LIPG: variants seen among roughly 807,000 people sequenced by gnomAD.
The protein encoded by LIPG is endothelial lipase.
In LIPG, 34 loss-of-function variants were observed where a neutral mutation model predicts 51.8. That is an observed-to-expected ratio of 0.66 (90% CI 0.50 to 0.87). The LOEUF is 0.87. LIPG is among the 40% of genes least tolerant of loss of function. The pLI is 0.00. For synonymous variants in LIPG, 246 were observed against 246.1 expected (o/e 1.00, Z 0.00); for missense variants, 580 against 652.7 (o/e 0.89, Z 1.21).
intron 5 of LIPG, among the ~76,000 whole-genome samples, chr18:49,580,107 C>G: frequency 6.6e-6 from 1 of 152,234 alleles, no homozygotes; most frequent in Admixed American, 6.5e-5. Context: ...AGCCACTGCC[C>G]GGCTGGATGA....
At position 49,591,182 on chromosome 18, in the gene LIPG, A is replaced by G. The variant is rs2084939767; in HGVS notation, c.*660A>G. ...AATTAATTAGAATGTGGTAATGGAC[A>G]TATTACTGAGCCTCTCCATTTGGAA... is the stretch of plus-strand genomic sequence containing the variant. On this transcript the variant is annotated 3_prime_UTR_variant, in exon 10 of 10. Transcript: ENST00000261292. 6.3e-6 allele frequency: 1 copy of G among 159,438 alleles called. No homozygotes were observed. Among genetic ancestry groups the G allele is most frequent in the African/African-American group, 2.4e-5 (1 of 41,512 alleles). The allele number at this position is 159,438 out of a possible 1,614,324, so 9.9% of individuals were successfully genotyped here. A position where few individuals can be genotyped will look rare whatever the true frequency, so the allele number is the denominator to read the frequency against.
chr18:49,578,145 A>T (rs1390911753), intron 5 of LIPG, among the ~76,000 whole-genome samples: 11 of 139,874 alleles, frequency 7.9e-5, no homozygotes, highest in Non-Finnish European at 1.5e-4. Context: ...TCCCTCCCGG[A>T]CGGGGTGGCT....
chr18:49,581,781 T>G, intron 6 of LIPG, 124 bp downstream of exon 6: 1 of 1,223,414 alleles, frequency 8.2e-7, no homozygotes, highest in Non-Finnish European at 1.2e-6. Flanking sequence ...ATCAAATCGT[T>G]GCAAATCAGA....
Position 49,569,511 on chromosome 18 carries a change from A to G in LIPG, c.534A>G (p.Ala178=), listed in dbSNP as rs562832653. Residue 178 remains alanine, a synonymous_variant, in exon 4 of 10, where the codon GCA becomes GCG. Transcript: ENST00000261292. ...TCGGAGCGCACGTGGCCGGGTATGCAGGCAACTTCGTGAAAGGAACGGTGG... is the reference window on the plus strand; with the variant it reads ...TCGGAGCGCACGTGGCCGGGTATGCGGGCAACTTCGTGAAAGGAACGGTGG... The part of the protein sequence containing the change: ...YSLGAHVAGY[A]GNFVKGTVGR... The G allele has an allele frequency of 1.5e-5, 24 of 1,614,156 alleles. No homozygotes were observed. In the East Asian group the frequency reaches 3.1e-4, roughly 21 times the overall value.
intron 9 of LIPG, among the ~76,000 whole-genome samples, chr18:49,589,062 G>A (rs143729153): frequency 7.4e-4 from 112 of 152,220 alleles, no homozygotes; most frequent in Middle Eastern, 3.4e-3. Context: ...GAAGCAGGTC[G>A]GTCTACCCCA....
At chr18:49,587,171 G>GGTT (rs1190134258) in intron 9 of LIPG, among the ~76,000 whole-genome samples, 1 of 152,086 alleles carries the variant, frequency 6.6e-6, no homozygotes, top group Non-Finnish European at 1.5e-5. Flanking sequence ...CTACTTGGGA[G>GGTT]GTTGAGGCAG....
At chr18:49,589,596 T>G (rs2084919041) in intron 9 of LIPG, 1 of 152,436 alleles carries the variant, frequency 6.6e-6, no homozygotes, top group African/African-American at 2.4e-5. Flanking sequence ...CTGAGTAGCT[T>G]GGATTACAGG....
At chr18:49,571,935 G>A (rs1212849265) in intron 4 of LIPG, among the ~76,000 whole-genome samples, 1 of 152,168 alleles carries the variant, frequency 6.6e-6, no homozygotes, top group Non-Finnish European at 1.5e-5. Context: ...TGCCTTGTTT[G>A]CTATAATCAG....
intron 9 of LIPG, chr18:49,590,207 GT>G: frequency 2.0e-6 from 1 of 493,000 alleles, no homozygotes; most frequent in Non-Finnish European, 3.8e-6. Flanking sequence ...GTGTGTGTGT[GT>G]ATGTTGTGGG....
In LIPG at chr18:49,591,456, G is replaced by A. The variant is rs1419867658; in HGVS notation, c.*934G>A. ...CAAGCAGAGTATCATTCATGCTGGG[G>A]CCAGAATGATGGCCGGTTGCCAGAT... On this transcript the variant is annotated 3_prime_UTR_variant, in exon 10 of 10. Coordinates refer to ENST00000261292, the MANE Select transcript of LIPG (RefSeq NM_006033.4). 2.0e-5 allele frequency: 3 copies of A among 152,200 alleles called. No individual in the cohort carries two copies. Among genetic ancestry groups the A allele is most frequent in the Non-Finnish European group, 4.4e-5 (3 of 68,040 alleles). The allele number at this position is 152,200 out of a possible 1,614,324, so 9.4% of individuals were successfully genotyped here.
Position 49,583,909 on chromosome 18 carries a change from T to G in LIPG, c.1376+135T>G, listed in dbSNP as rs189018769. 2.3e-3 allele frequency: 1,736 copies of G among 765,778 alleles called. 14 individuals are homozygous for G. Among genetic ancestry groups the G allele is most frequent in the Non-Finnish European group, 1.6e-3 (783 of 478,808 alleles). 47.4% of individuals were successfully genotyped at this position (765,778 alleles called of 1,614,324 possible). On this transcript the variant is annotated intron_variant, in intron 8 of 9. Transcript: ENST00000261292. Reference sequence around the variant, plus strand: ...ATGCAGGTAAAACTTCAAACACCTTTGCAAGGACAAGTGACTTCCAGATCA... The same window carrying G: ...ATGCAGGTAAAACTTCAAACACCTTGGCAAGGACAAGTGACTTCCAGATCA...
chr18:49,562,153 G>A lies in LIPG; in HGVS notation c.-156G>A. The stretch of plus-strand genomic sequence containing the variant: ...CGCTCCCTGCCACCGCCCGGGCTCC[G>A]TGCCGCCAAGTTTTCATTTTCCACC... On this transcript the variant is annotated 5_prime_UTR_variant, in exon 1 of 10. In the 5' UTR this introduces an upstream ATG that the reference lacks. Transcript: ENST00000261292. The A allele has an allele frequency of 6.8e-7, 1 of 1,478,706 alleles. No homozygotes were observed. The highest frequency in any genetic ancestry group is 8.9e-7 in the Non-Finnish European group (1 of 1,120,098). 91.6% of individuals were successfully genotyped at this position (1,478,706 alleles called of 1,614,324 possible).
chr18:49,581,797 C>G, intron 6 of LIPG, 140 bp downstream of exon 6: 1 of 1,037,032 alleles, frequency 9.6e-7, no homozygotes, highest in South Asian at 1.3e-5. Context: ...TCAGATTACA[C>G]TGTGCATGTC....
chr18:49,574,994 A>G (rs2084700378), intron 4 of LIPG, among the ~76,000 whole-genome samples: 1 of 152,200 alleles, frequency 6.6e-6, no homozygotes, highest in South Asian at 2.1e-4. Context: ...GAATGGGACA[A>G]ATGGCTTAGT....
rs772247956 is a variant in LIPG at position 49,590,530 on chromosome 18, C to T, written c.*8C>T. ...ACTGTGGAGCTTCCCTGAGGGTGCC[C>T]GGGCAAGTCTTGCCAGCAAGGCAGC... is the stretch of plus-strand genomic sequence containing the variant. On this transcript the variant is annotated 3_prime_UTR_variant, in exon 10 of 10. Transcript: ENST00000261292. 7.5e-6 allele frequency: 12 copies of T among 1,598,462 alleles called. No individual in the cohort carries two copies. In the South Asian group the frequency reaches 7.9e-5, roughly 11 times the overall value.
intron 5 of LIPG, among the ~76,000 whole-genome samples, chr18:49,576,999 C>T (rs1462013028): frequency 6.6e-6 from 1 of 151,284 alleles, no homozygotes; most frequent in Non-Finnish European, 1.5e-5. Flanking sequence ...TGGATACACT[C>T]TATTTTATTT....
chr18:49,594,184 G>A lies in LIPG; in HGVS notation c.*3662G>A, dbSNP rs1261957517. 6.6e-6 allele frequency: 1 copy of A among 152,112 alleles called. No individual in the cohort carries two copies. Among genetic ancestry groups the A allele is most frequent in the Admixed American group, 6.5e-5 (1 of 15,268 alleles). 9.4% of individuals were successfully genotyped at this position (152,112 alleles called of 1,614,324 possible). ...GAGTCTTGCTCTGTAGCCCAGGCTG[G>A]AGTGCAGGGGCATGATCTTGGCCCA... On this transcript the variant is annotated 3_prime_UTR_variant, in exon 10 of 10. Coordinates refer to ENST00000261292, the MANE Select transcript of LIPG (RefSeq NM_006033.4).
chr18:49,586,618 G>C, intron 8 of LIPG, 128 bp from the exon 9 acceptor site: 1 of 720,420 alleles, frequency 1.4e-6, no homozygotes, highest in Non-Finnish European at 2.6e-6. Context: ...AATTCTGAAG[G>C]CTTTTGAGTC....
At chr18:49,569,409 G>A in intron 3 of LIPG, 28 bp from the exon 4 acceptor site, 8 of 1,591,138 alleles carry the variant, frequency 5.0e-6, no homozygotes, top group Non-Finnish European at 6.9e-6. Flanking sequence ...CTGCTCTTCT[G>A]CTCACATACT....
Sources: allele counts gnomAD v4.1 joint callset (sites outside exome capture counted in the v4.1 genomes callset), GRCh38; gene constraint gnomAD v4.1.1; transcripts MANE v1.5; gene names NCBI Gene and HGNC (gene_info 2026-07-23, HGNC 2026-07-21).